IRAK4: variants seen among roughly 807,000 people sequenced by gnomAD.
The protein encoded by IRAK4 is interleukin 1 receptor associated kinase 4.
In IRAK4, 44 loss-of-function variants were observed where a neutral mutation model predicts 51.8. That is an observed-to-expected ratio of 0.85 (90% CI 0.67 to 1.09). The LOEUF (loss-of-function observed/expected upper bound fraction) is 1.09, where lower values mean the gene tolerates loss of function less well. Among genes scored for constraint, IRAK4 ranks in the 50% least tolerant of loss-of-function variants. IRAK4 has a pLI of 0.00. For synonymous variants in IRAK4, 149 were observed against 174.1 expected (o/e 0.86, Z 1.13); for missense variants, 487 against 538.0 (o/e 0.91, Z 0.94).
In IRAK4 at chr12:43,788,855, G is replaced by A. The variant is rs909783852; in HGVS notation, c.*2140G>A. On this transcript the variant is annotated 3_prime_UTR_variant, in exon 12 of 12. Transcript: ENST00000613694. ...CCCAGCTGGGTTTCAGACTTGCCAGGATCCTGTTGCCCCTTTCTTTAGCCA... is the reference window on the plus strand; with the variant it reads ...CCCAGCTGGGTTTCAGACTTGCCAGAATCCTGTTGCCCCTTTCTTTAGCCA... 26 of 152,092 alleles carry A rather than the reference G, an allele frequency of 1.7e-4. No individual in the cohort carries two copies. Among genetic ancestry groups the A allele is most frequent in the African/African-American group, 5.8e-4 (24 of 41,394 alleles). 9.4% of individuals were successfully genotyped at this position (152,092 alleles called of 1,614,324 possible).
Position 43,783,667 on chromosome 12 carries a change from A to C in IRAK4, c.1131A>C (p.Leu377Phe), listed in dbSNP as rs1180388430. Residue 377 changes from leucine (L) to phenylalanine (F), a missense_variant, in exon 10 of 12, where the codon TTA (leucine) becomes TTC (phenylalanine). Physicochemically the swap from Leu to Phe is conservative, Grantham distance 22. Coordinates refer to ENST00000613694, the MANE Select transcript of IRAK4 (RefSeq NM_016123.4). ...KSDIYSFGVV[L>F]LEIITGLPAV... ...GATTTTTTTTGTCTTCATAGGTTTTACTAGAAATAATAACTGGACTTCCAG... is the reference window on the plus strand; with the variant it reads ...GATTTTTTTTGTCTTCATAGGTTTTCCTAGAAATAATAACTGGACTTCCAG... 2 of 1,598,478 alleles carry C rather than the reference A, an allele frequency of 1.3e-6. No homozygotes were observed. The highest frequency in any genetic ancestry group is 1.7e-6 in the Non-Finnish European group (2 of 1,166,556).
At chr12:43,782,587 C>A in intron 9 of IRAK4, 97 bp downstream of exon 9, 1 of 1,014,274 alleles carries the variant, frequency 9.9e-7, no homozygotes, top group South Asian at 1.5e-5. Context: ...GTTTATCTCT[C>A]TTATGTAACA....
At chr12:43,784,241 A>G (rs1942024552) in intron 10 of IRAK4, among the ~76,000 whole-genome samples, 1 of 152,206 alleles carries the variant, frequency 6.6e-6, no homozygotes. Context: ...CTCTCACACC[A>G]CAACAACAAT....
chr12:43,783,738 T>C lies in IRAK4; in HGVS notation c.1188+14T>C. On this transcript the variant is annotated intron_variant, in intron 10 of 11. Coordinates refer to ENST00000613694, the MANE Select transcript of IRAK4 (RefSeq NM_016123.4). ...CCTCAGTTATTGGTAAATGAAATATTCATTTTCCTCAATCCTTTTTTCTCT... is the reference window on the plus strand; with the variant it reads ...CCTCAGTTATTGGTAAATGAAATATCCATTTTCCTCAATCCTTTTTTCTCT... 6.4e-7 allele frequency: 1 copy of C among 1,551,292 alleles called. No individual in the cohort carries two copies. The highest frequency in any genetic ancestry group is 8.9e-7 in the Non-Finnish European group (1 of 1,124,600).
At chr12:43,778,573 A>G (rs1009252321) in intron 8 of IRAK4, among the ~76,000 whole-genome samples, 9 of 152,102 alleles carry the variant, frequency 5.9e-5, no homozygotes, top group Non-Finnish European at 1.3e-4. Context: ...TATGGAAATT[A>G]GTTGTTTTCT....
chr12:43,780,044 A>G (rs1941639058), intron 8 of IRAK4, among the ~76,000 whole-genome samples: 1 of 152,184 alleles, frequency 6.6e-6, no homozygotes, highest in Non-Finnish European at 1.5e-5. Context: ...AGAGAAGGGT[A>G]AGATGAAAAC....
chr12:43,772,841 A>C, intron 4 of IRAK4, 71 bp from the exon 5 acceptor site: 1 of 1,131,224 alleles, frequency 8.8e-7, no homozygotes, highest in East Asian at 2.6e-5. Context: ...TGAAATCTTC[A>C]AATGAGAAAA....
At chr12:43,783,956 G>A (rs1942000177) in intron 10 of IRAK4, among the ~76,000 whole-genome samples, 1 of 151,990 alleles carries the variant, frequency 6.6e-6, no homozygotes, top group South Asian at 2.1e-4. Context: ...ATTTCTTTGT[G>A]GGTAAAATGA....
At chr12:43,777,411 A>G (rs1270950340) in intron 6 of IRAK4, among the ~76,000 whole-genome samples, 2 of 152,182 alleles carry the variant, frequency 1.3e-5, no homozygotes, top group African/African-American at 4.8e-5. Flanking sequence ...AAGAGGTTTT[A>G]CTTCTAATGT....
intron 1 of IRAK4, among the ~76,000 whole-genome samples, chr12:43,759,873 A>G (rs923296440): frequency 2.1e-5 from 2 of 96,992 alleles, no homozygotes; most frequent in African/African-American, 8.5e-5. Flanking sequence ...GTCTCAAAAG[A>G]AAAAAAAAAA....
intron 1 of IRAK4, chr12:43,759,712 T>A (rs1356038201): frequency 6.6e-6 from 1 of 151,770 alleles, no homozygotes; most frequent in African/African-American, 2.4e-5. Flanking sequence ...TCTACTAAGA[T>A]ACAAAATTTA....
At chr12:43,760,860 C>T (rs1407534915) in intron 1 of IRAK4, 2 of 152,120 alleles carry the variant, frequency 1.3e-5, no homozygotes, top group African/African-American at 4.8e-5. Context: ...ATATAAACTC[C>T]ATGAATTCAG....
Position 43,780,576 on chromosome 12 carries a change from T to A in IRAK4, c.942-1731T>A, listed in dbSNP as rs181463528. Among the ~76,000 whole-genome samples, 252 of 151,060 alleles carry A rather than the reference T, an allele frequency of 1.7e-3. 2 individuals carry two copies. In the East Asian group the frequency reaches 0.038, roughly 23 times the overall value. On this transcript the variant is annotated intron_variant, in intron 8 of 11. Transcript: ENST00000613694. ...TCTCTTTTCTCCCTGTATGTTCTTT[T>A]TTTTTTTTTTTTTGAGACAAGTTTC... is the stretch of plus-strand genomic sequence containing the variant.
intron 8 of IRAK4, among the ~76,000 whole-genome samples, chr12:43,781,457 T>G (rs1314962575): frequency 6.6e-6 from 1 of 152,208 alleles, no homozygotes; most frequent in East Asian, 1.9e-4. Flanking sequence ...AAGTTGACCA[T>G]GTATACCATA....
At chr12:43,781,067 TAA>T (rs1941738175) in intron 8 of IRAK4, among the ~76,000 whole-genome samples, 4 of 152,316 alleles carry the variant, frequency 2.6e-5, no homozygotes, top group Admixed American at 2.6e-4. Flanking sequence ...CTTCCCAACC[TAA>T]AGTCTTCCCA....
intron 8 of IRAK4, among the ~76,000 whole-genome samples, chr12:43,780,986 C>T (rs1362359157): frequency 6.6e-6 from 1 of 152,134 alleles, no homozygotes; most frequent in African/African-American, 2.4e-5. Context: ...TATCCCCGTA[C>T]CAAAAACACT....
At chr12:43,761,450 AAAT>A (rs1939545980) in intron 1 of IRAK4, among the ~76,000 whole-genome samples, 1 of 152,200 alleles carries the variant, frequency 6.6e-6, no homozygotes, top group Non-Finnish European at 1.5e-5. Flanking sequence ...TTCTGCCAGG[AAAT>A]AATAATTGCT....
At chr12:43,764,298 C>T (rs895802121) in intron 1 of IRAK4, among the ~76,000 whole-genome samples, 42 of 152,216 alleles carry the variant, frequency 2.8e-4, no homozygotes, top group African/African-American at 9.9e-4. Flanking sequence ...GTGGTGCACA[C>T]CTGTAATCCC....
At position 43,772,263 on chromosome 12, in the gene IRAK4, G is replaced by C; in HGVS notation, c.391G>C (p.Asp131His). ...AAAACAGATGCCTTTCTGTGACAAA[G>C]ACAGGACATTGATGACACCTGTGCA... ...QQKQMPFCDK[D>H]RTLMTPVQNL... is the part of the protein sequence containing the mutation. Residue 131 changes from aspartate (D) to histidine (H), a missense_variant, in exon 4 of 12, where the codon GAC becomes CAC. By Grantham distance (81) the Asp-to-His change is moderately conservative. Transcript: ENST00000613694. The C allele has an allele frequency of 6.2e-7, 1 of 1,613,818 alleles. No individual in the cohort carries two copies. The highest frequency in any genetic ancestry group is 8.5e-7 in the Non-Finnish European group (1 of 1,179,856).
Sources: gnomAD v4.1 joint callset for allele counts (sites outside exome capture counted in the v4.1 genomes callset) on GRCh38, gnomAD v4.1.1 for gene constraint, MANE v1.5 for transcripts, NCBI Gene and HGNC (gene_info 2026-07-23, HGNC 2026-07-21) for gene names.